Variants in CACNA1A observed in about 807,000 individuals in gnomAD.
CACNA1A encodes voltage-dependent P/Q-type calcium channel subunit alpha-1A.
In CACNA1A, 57 loss-of-function variants were observed where a neutral mutation model predicts 262.4. That is an observed-to-expected ratio of 0.22 (90% CI 0.18 to 0.27). The LOEUF is 0.27. Ranked by LOEUF, CACNA1A falls within the 10% of genes least tolerant of loss-of-function variation. The probability of loss-of-function intolerance (pLI) is 1.00; values close to 1 mark genes in which losing one functional copy is unlikely to be tolerated. For missense variants in CACNA1A, 2,526 were observed against 3,562.8 expected (o/e 0.71, Z 7.41); for synonymous variants, 1,431 against 1,419.3 (o/e 1.01, Z -0.18).
intron 40 of CACNA1A, among the ~76,000 whole-genome samples, chr19:13,213,033 G>A (rs1237972478): frequency 6.6e-6 from 1 of 152,034 alleles, no homozygotes; most frequent in African/African-American, 2.4e-5. Context: ...ACCAGAGGGC[G>A]CCCATGAGCA....
At chr19:13,233,008 C>G (rs906509716) in intron 34 of CACNA1A, among the ~76,000 whole-genome samples, 24 of 151,768 alleles carry the variant, frequency 1.6e-4, no homozygotes, top group Admixed American at 7.9e-4. Flanking sequence ...GAGATCGCAC[C>G]ACTGCACTCC....
At chr19:13,283,531 A>C in intron 21 of CACNA1A, 135 bp from the exon 22 acceptor site, 1 of 1,150,124 alleles carries the variant, frequency 8.7e-7, no homozygotes, top group South Asian at 1.6e-5. Flanking sequence ...AAACTATTAA[A>C]CTCCTCCAGG....
At chr19:13,398,759 A>G (rs2059850421) in intron 3 of CACNA1A, among the ~76,000 whole-genome samples, 1 of 152,238 alleles carries the variant, frequency 6.6e-6, no homozygotes, top group Admixed American at 6.5e-5. Flanking sequence ...GTGAGGATTC[A>G]ACGTGATCAT....
intron 29 of CACNA1A, 49 bp downstream of exon 29, chr19:13,255,046 G>A (rs1412256458): frequency 6.3e-7 from 1 of 1,592,218 alleles, no homozygotes; most frequent in Admixed American, 1.7e-5. Context: ...GTAGAGGCAG[G>A]AACGAGGTGG....
At chr19:13,473,752 C>G (rs966451921) in intron 1 of CACNA1A, among the ~76,000 whole-genome samples, 4 of 63,588 alleles carry the variant, frequency 6.3e-5, no homozygotes, top group Non-Finnish European at 1.2e-4. Flanking sequence ...CAGGCTCCCC[C>G]CCACCCCCCT....
chr19:13,445,593 G>A (rs771028372), intron 3 of CACNA1A, among the ~76,000 whole-genome samples: 4 of 152,154 alleles, frequency 2.6e-5, no homozygotes, highest in Admixed American at 6.5e-5. Context: ...CCCCTCTCTG[G>A]TGAGGTTCAC....
intron 44 of CACNA1A, 65 bp downstream of exon 44, chr19:13,210,552 G>A (rs2054771391): frequency 4.2e-6 from 6 of 1,438,584 alleles, no homozygotes; most frequent in Non-Finnish European, 5.7e-6. Context: ...GGACTCCCTG[G>A]AGGGGGGGTG....
intron 3 of CACNA1A, among the ~76,000 whole-genome samples, chr19:13,411,010 C>G (rs1470960553): frequency 2.0e-5 from 3 of 152,160 alleles, no homozygotes; most frequent in Non-Finnish European, 4.4e-5. Context: ...ATAGCCTCCA[C>G]AGGAGGCTGA....
At chr19:13,266,116 T>A (rs2056855515) in intron 24 of CACNA1A, among the ~76,000 whole-genome samples, 1 of 152,188 alleles carries the variant, frequency 6.6e-6, no homozygotes, top group African/African-American at 2.4e-5. Context: ...AGTGCTGGGA[T>A]TATAGGTGTG....
rs564194526 is a variant in CACNA1A at position 13,445,475 on chromosome 19, G to A, written c.539+7401C>T. On this transcript the variant is annotated intron_variant, in intron 3 of 46. Coordinates refer to ENST00000360228, the MANE Select transcript of CACNA1A (RefSeq NM_001127222.2). ...AAATTTCCCAGGACACTCATTATCA[G>A]AAGTGTTACCCTTTTCCGGCTTAAC... Among the ~76,000 whole-genome samples, 74 of 152,256 alleles carry A rather than the reference G, an allele frequency of 4.9e-4. No individual in the cohort carries two copies. The South Asian group carries it at 0.015, about 31-fold the overall frequency.
At chr19:13,438,903 T>C (rs1477999661) in intron 3 of CACNA1A, among the ~76,000 whole-genome samples, 1 of 152,154 alleles carries the variant, frequency 6.6e-6, no homozygotes, top group Non-Finnish European at 1.5e-5. Flanking sequence ...CACACCCGAC[T>C]AATTTTTATA....
At chr19:13,484,618 G>A (rs1979757828) in intron 1 of CACNA1A, among the ~76,000 whole-genome samples, 1 of 152,164 alleles carries the variant, frequency 6.6e-6, no homozygotes, top group African/African-American at 2.4e-5. Flanking sequence ...TATTCTTGCT[G>A]TATTCCAATA....
At chr19:13,484,467 G>C (rs149063356) in intron 1 of CACNA1A, among the ~76,000 whole-genome samples, 1 of 152,084 alleles carries the variant, frequency 6.6e-6, no homozygotes, top group African/African-American at 2.4e-5. Flanking sequence ...GATAGAGAGA[G>C]GGGAGAGAGG....
chr19:13,376,497 T>A (rs2059405486), intron 3 of CACNA1A, among the ~76,000 whole-genome samples: 1 of 151,518 alleles, frequency 6.6e-6, no homozygotes, highest in African/African-American at 2.4e-5. Context: ...ATAGCATGGA[T>A]AACTGATATT....
At chr19:13,421,612 T>C (rs1265375427) in intron 3 of CACNA1A, among the ~76,000 whole-genome samples, 2 of 152,182 alleles carry the variant, frequency 1.3e-5, no homozygotes, top group African/African-American at 4.8e-5. Flanking sequence ...GAGGGATTCA[T>C]GCTCTCATGA....
chr19:13,291,633 TAAAAAAAAAAA>T (rs3981952), intron 19 of CACNA1A, among the ~76,000 whole-genome samples: 1,658 of 97,374 alleles, frequency 0.017, 14 homozygotes, highest in Non-Finnish European at 0.024. Context: ...ACCCCATCTC[TAAAAAAAAAAA>T]AAAAAAAAAA....
chr19:13,459,726 C>T (rs149099644), intron 1 of CACNA1A, among the ~76,000 whole-genome samples: 4 of 152,306 alleles, frequency 2.6e-5, no homozygotes, highest in South Asian at 2.1e-4. Flanking sequence ...CCTCCTTACA[C>T]GCGCTTCTGC....
intron 4 of CACNA1A, among the ~76,000 whole-genome samples, chr19:13,368,950 A>G (rs1211281760): frequency 1.5e-5 from 2 of 135,078 alleles, no homozygotes; most frequent in East Asian, 4.7e-4. Context: ...AGGCAGGAGA[A>G]TGGCGTGAAC....
At chr19:13,370,028 T>C (rs929801068) in intron 4 of CACNA1A, among the ~76,000 whole-genome samples, 1 of 152,194 alleles carries the variant, frequency 6.6e-6, no homozygotes, top group East Asian at 1.9e-4. Flanking sequence ...ACAGGCTTGT[T>C]GGGAGGATAA....
Sources: gnomAD v4.1 joint callset for allele counts (sites outside exome capture counted in the v4.1 genomes callset) on GRCh38, gnomAD v4.1.1 for gene constraint, MANE v1.5 for transcripts, NCBI Gene and HGNC (gene_info 2026-07-23, HGNC 2026-07-21) for gene names.